The following CHODL variants were observed in gnomAD, a reference collection of about 807,000 sequenced individuals.
CHODL encodes transmembrane protein MT75.
In CHODL, 29 loss-of-function variants were observed where a neutral mutation model predicts 34.5. The observed-to-expected ratio is 0.84, with a 90% CI of 0.63 to 1.15. The LOEUF (loss-of-function observed/expected upper bound fraction) is 1.15, where lower values mean the gene tolerates loss of function less well. CHODL is among the 50% of genes most tolerant of loss of function. CHODL has a pLI of 0.00. For synonymous variants in CHODL, 125 were observed against 116.1 expected (o/e 1.08, Z -0.49); for missense variants, 332 against 332.5 (o/e 1.00, Z 0.01).
intron 1 of CHODL, among the ~76,000 whole-genome samples, chr21:17,986,469 C>G (rs1452096992): frequency 6.6e-6 from 1 of 152,140 alleles, no homozygotes; most frequent in East Asian, 1.9e-4. Context: ...GCAGCTTCAT[C>G]CATGTCCCTG....
chr21:18,171,613 T>C (rs2073232929), intron 2 of CHODL, among the ~76,000 whole-genome samples: 1 of 152,176 alleles, frequency 6.6e-6, no homozygotes. Flanking sequence ...TCATTCTTTT[T>C]CCTGGTATTG....
At position 17,961,610 on chromosome 21, in the gene CHODL, A is replaced by G. The variant is rs541484674; in HGVS notation, c.-145+44210A>G. On this transcript the variant is annotated intron_variant, in intron 1 of 6. Transcript: ENST00000400127. ...TACTTGCTTCTGAGCAGAGAGAAAA[A>G]GTCTGATTTACTGACTCATCACAGT... 4.3e-4 allele frequency among the ~76,000 whole-genome samples: 65 copies of G among 152,334 alleles called. 1 individual carries two copies. The highest frequency in any genetic ancestry group is 1.8e-3 in the Admixed American group (28 of 15,296).
intron 1 of CHODL, among the ~76,000 whole-genome samples, chr21:18,247,788 C>T (rs2074160415): frequency 6.6e-6 from 1 of 152,036 alleles, no homozygotes. Flanking sequence ...TCTTACTACA[C>T]ACAGATGTGT....
intron 2 of CHODL, among the ~76,000 whole-genome samples, chr21:18,071,069 T>C (rs172265): frequency 0.36 from 54,963 of 151,158 alleles, 12,219 homozygotes; most frequent in Non-Finnish European, 0.51. Context: ...TTTTCAATTT[T>C]TACTCCTCTT....
intron 1 of CHODL, chr21:18,246,025 C>A: frequency 8.4e-7 from 1 of 1,186,500 alleles, no homozygotes; most frequent in Non-Finnish European, 1.2e-6. Flanking sequence ...TCAAAATTGG[C>A]AAGCTTCCCA....
chr21:17,944,168 C>T (rs1013127971), intron 1 of CHODL, among the ~76,000 whole-genome samples: 2 of 152,148 alleles, frequency 1.3e-5, no homozygotes, highest in African/African-American at 4.8e-5. Context: ...CTCAGCAAAG[C>T]AAAGGGCTAC....
At chr21:18,052,295 A>G (rs571050567) in intron 2 of CHODL, among the ~76,000 whole-genome samples, 15 of 151,882 alleles carry the variant, frequency 9.9e-5, no homozygotes, top group African/African-American at 3.4e-4. Flanking sequence ...TTAGGCATTA[A>G]TTTTTTCCAA....
At chr21:18,122,551 T>TC (rs2065492762) in intron 2 of CHODL, among the ~76,000 whole-genome samples, 1 of 151,772 alleles carries the variant, frequency 6.6e-6, no homozygotes, top group South Asian at 2.1e-4. Flanking sequence ...CTGCTCAATT[T>TC]TTTTTTTTAC....
chr21:18,069,438 T>C (rs2064769792), intron 2 of CHODL, among the ~76,000 whole-genome samples: 1 of 152,072 alleles, frequency 6.6e-6, no homozygotes, highest in South Asian at 2.1e-4. Flanking sequence ...AACAATGTCA[T>C]TGGTAATTGT....
intron 2 of CHODL, among the ~76,000 whole-genome samples, chr21:18,079,930 C>G (rs1246915161): frequency 6.7e-6 from 1 of 150,362 alleles, no homozygotes; most frequent in Non-Finnish European, 1.5e-5. Context: ...CATAAATTTG[C>G]TACTAATTTA....
At chr21:18,078,868 G>A (rs748656979) in intron 2 of CHODL, among the ~76,000 whole-genome samples, 3 of 152,200 alleles carry the variant, frequency 2.0e-5, no homozygotes, top group Admixed American at 6.5e-5. Context: ...GCTCAGAAAT[G>A]TAGGTAACTT....
intron 2 of CHODL, among the ~76,000 whole-genome samples, chr21:18,071,290 G>C (rs1019148734): frequency 6.6e-6 from 1 of 151,702 alleles, no homozygotes; most frequent in Non-Finnish European, 1.5e-5. Context: ...AGGACTACAG[G>C]TGCATGCCAC....
chr21:18,028,987 G>C (rs1013453774), intron 2 of CHODL, among the ~76,000 whole-genome samples: 1 of 152,080 alleles, frequency 6.6e-6, no homozygotes, highest in Non-Finnish European at 1.5e-5. Flanking sequence ...GTTTAGAATT[G>C]CACATGAAAA....
At chr21:18,057,724 C>T (rs771208728) in intron 2 of CHODL, among the ~76,000 whole-genome samples, 1 of 151,862 alleles carries the variant, frequency 6.6e-6, no homozygotes, top group Non-Finnish European at 1.5e-5. Flanking sequence ...GAAAGTCTGC[C>T]GCTGTATCTC....
intron 2 of CHODL, among the ~76,000 whole-genome samples, chr21:18,078,557 G>A (rs1029975812): frequency 2.0e-5 from 3 of 152,104 alleles, no homozygotes; most frequent in Non-Finnish European, 2.9e-5. Context: ...CAGATACATC[G>A]ACTTTTGAAT....
Position 17,988,840 on chromosome 21 carries a change from A to G in CHODL, c.-144-39032A>G, listed in dbSNP as rs71319667. Among the ~76,000 whole-genome samples, 277 of 152,112 alleles carry G rather than the reference A, an allele frequency of 1.8e-3. 1 individual carries two copies. The highest frequency in any genetic ancestry group is 5.4e-3 in the Admixed American group (83 of 15,278). ...TGGTTCAAAGTCTTTGCTATTGTGA[A>G]TAATGCCGCAATAAACATACATGTG... On this transcript the variant is annotated intron_variant, in intron 1 of 6. Transcript: ENST00000400127.
At chr21:18,089,612 A>G (rs1014907910) in intron 2 of CHODL, among the ~76,000 whole-genome samples, 1 of 152,196 alleles carries the variant, frequency 6.6e-6, no homozygotes, top group Admixed American at 6.6e-5. Flanking sequence ...CTTGAATTAT[A>G]TTATCTCTAT....
intron 2 of CHODL, among the ~76,000 whole-genome samples, chr21:18,039,654 T>C (rs1175803112): frequency 6.6e-6 from 1 of 151,694 alleles, no homozygotes; most frequent in Non-Finnish European, 1.5e-5. Context: ...TGGTTCTAAT[T>C]TGGGGCTCCT....
chr21:18,157,038 G>T (rs1364975375), intron 2 of CHODL, among the ~76,000 whole-genome samples: 6 of 152,166 alleles, frequency 3.9e-5, no homozygotes, highest in African/African-American at 1.4e-4. Context: ...AAGTGTTGCG[G>T]CGAAGAAGGC....
Sources: gnomAD v4.1 joint callset for allele counts (sites outside exome capture counted in the v4.1 genomes callset) on GRCh38, gnomAD v4.1.1 for gene constraint, MANE v1.5 for transcripts, NCBI Gene and HGNC (gene_info 2026-07-23, HGNC 2026-07-21) for gene names.